The following ERBB4 variants were observed in gnomAD, a reference collection of about 807,000 sequenced individuals.
ERBB4 encodes the protein erb-b2 receptor tyrosine kinase 4.
In ERBB4, 42 loss-of-function variants were observed where a neutral mutation model predicts 158.0. The ratio of observed to expected loss-of-function variants is 0.27; its 90% CI spans 0.21 to 0.34. The LOEUF (loss-of-function observed/expected upper bound fraction) is 0.34. Among genes scored for constraint, ERBB4 ranks in the 10% least tolerant of loss-of-function variants. ERBB4 has a pLI of 1.00. For missense variants in ERBB4, 1,333 were observed against 1,624.1 expected (o/e 0.82, Z 3.08); for synonymous variants, 583 against 558.7 (o/e 1.04, Z -0.61).
intron 1 of ERBB4, among the ~76,000 whole-genome samples, chr2:212,142,610 A>AAT (rs1038999989): frequency 3.4e-5 from 5 of 147,704 alleles, no homozygotes; most frequent in African/African-American, 7.4e-5. Context: ...ATAATATTAA[A>AAT]ATATATATAT....
At chr2:211,507,086 T>G (rs745448919) in intron 20 of ERBB4, among the ~76,000 whole-genome samples, 7 of 152,086 alleles carry the variant, frequency 4.6e-5, no homozygotes, top group Non-Finnish European at 4.4e-5. Flanking sequence ...AACATGTCTA[T>G]GCACACAAAC....
intron 19 of ERBB4, among the ~76,000 whole-genome samples, chr2:211,586,651 G>A (rs1001455614): frequency 3.3e-5 from 5 of 152,144 alleles, no homozygotes; most frequent in African/African-American, 1.2e-4. Flanking sequence ...GAAATGTAGG[G>A]ATTCCTGGAG....
intron 2 of ERBB4, among the ~76,000 whole-genome samples, chr2:212,040,395 A>G (rs1309963575): frequency 6.6e-6 from 1 of 152,024 alleles, no homozygotes; most frequent in Non-Finnish European, 1.5e-5. Context: ...ATTTCACCTT[A>G]TAACACAAGC....
chr2:212,154,444 T>C (rs6738053), intron 1 of ERBB4, among the ~76,000 whole-genome samples: 13,959 of 152,204 alleles, frequency 0.092, 1,219 homozygotes, highest in African/African-American at 0.23. Context: ...AAAACATATG[T>C]GCATAGTTTT....
At chr2:212,370,731 T>C (rs2090054821) in intron 1 of ERBB4, among the ~76,000 whole-genome samples, 1 of 152,164 alleles carries the variant, frequency 6.6e-6, no homozygotes, top group South Asian at 2.1e-4. Context: ...GCCATTTACC[T>C]TCTGTTTTTA....
chr2:211,684,921 C>CAT (rs935730483), intron 12 of ERBB4, among the ~76,000 whole-genome samples: 61 of 152,330 alleles, frequency 4.0e-4, no homozygotes, highest in African/African-American at 1.3e-3. Context: ...GGTTTCCTCC[C>CAT]ATCTCCTCAC....
In ERBB4 at chr2:212,538,435, C is replaced by A. The variant is rs1449449975; in HGVS notation, c.82+14G>T. On this transcript the variant is annotated intron_variant, in intron 1 of 27. Transcript: ENST00000342788. ...GCTGCAGGTTCGGCGACCGGAGTGC[C>A]AGAAGGAACCCACCTGACTGAGAAT... 6.2e-7 allele frequency: 1 copy of A among 1,613,454 alleles called. No homozygotes were observed. Among genetic ancestry groups the A allele is most frequent in the South Asian group, 1.1e-5 (1 of 91,052 alleles).
At chr2:211,929,287 CAGAG>C (rs2080108477) in intron 3 of ERBB4, among the ~76,000 whole-genome samples, 1 of 146,352 alleles carries the variant, frequency 6.8e-6, no homozygotes, top group Non-Finnish European at 1.5e-5. Flanking sequence ...GAGAGAGAGA[CAGAG>C]AGAATATGAT....
At chr2:211,837,402 C>G (rs2077365884) in intron 3 of ERBB4, among the ~76,000 whole-genome samples, 1 of 152,040 alleles carries the variant, frequency 6.6e-6, no homozygotes, top group African/African-American at 2.4e-5. Flanking sequence ...AATAGATTCT[C>G]TGCACCAAAG....
chr2:212,241,648 T>C (rs1205669192), intron 1 of ERBB4, among the ~76,000 whole-genome samples: 1 of 152,220 alleles, frequency 6.6e-6, no homozygotes, highest in Non-Finnish European at 1.5e-5. Flanking sequence ...GTAATTATTT[T>C]AGTTGAGTAT....
intron 3 of ERBB4, among the ~76,000 whole-genome samples, chr2:211,873,773 C>T (rs1465727287): frequency 1.3e-5 from 2 of 150,694 alleles, no homozygotes; most frequent in African/African-American, 4.9e-5. Flanking sequence ...ATTCCTCATA[C>T]GTATATATTT....
intron 1 of ERBB4, among the ~76,000 whole-genome samples, chr2:212,274,120 T>A (rs1418619562): frequency 1.3e-5 from 2 of 151,830 alleles, no homozygotes; most frequent in African/African-American, 4.8e-5. Flanking sequence ...GAAAATAGAT[T>A]TACAGTACTG....
chr2:211,696,741 C>T (rs1213230038), intron 12 of ERBB4, among the ~76,000 whole-genome samples: 2 of 152,064 alleles, frequency 1.3e-5, no homozygotes, highest in African/African-American at 4.8e-5. Context: ...GTGATCTTGG[C>T]TCACTGCAAC....
chr2:211,786,172 G>A (rs1356325545), intron 4 of ERBB4, among the ~76,000 whole-genome samples: 4 of 152,114 alleles, frequency 2.6e-5, no homozygotes, highest in Non-Finnish European at 5.9e-5. Context: ...TTTTTAACTT[G>A]GTTGAGTGAT....
intron 3 of ERBB4, among the ~76,000 whole-genome samples, chr2:211,887,722 C>T (rs2078842449): frequency 6.6e-6 from 1 of 152,106 alleles, no homozygotes; most frequent in Non-Finnish European, 1.5e-5. Flanking sequence ...TATTATCACA[C>T]AAATTTATTG....
chr2:211,605,729 T>G (rs752946549), intron 19 of ERBB4, among the ~76,000 whole-genome samples: 1 of 152,146 alleles, frequency 6.6e-6, no homozygotes, highest in Non-Finnish European at 1.5e-5. Context: ...TATTAGAACA[T>G]GCCAGAAGTA....
chr2:212,399,586 T>TATA (rs1560214701), intron 1 of ERBB4, among the ~76,000 whole-genome samples: 2 of 103,084 alleles, frequency 1.9e-5, no homozygotes, highest in Non-Finnish European at 4.0e-5. Context: ...ATATATATAT[T>TATA]GGGCGTGGTG....
chr2:211,892,874 AG>A (rs1167069013), intron 3 of ERBB4, among the ~76,000 whole-genome samples: 1 of 142,952 alleles, frequency 7.0e-6, no homozygotes, highest in Non-Finnish European at 1.5e-5. Flanking sequence ...GACCTCTTCA[AG>A]GAGAACTACA....
rs970683158 is a variant in ERBB4, at chr2:211,380,817, A to G, written c.*2798T>C. 4.3e-6 allele frequency: 1 copy of G among 231,860 alleles called. No individual in the cohort carries two copies. Among genetic ancestry groups the G allele is most frequent in the Non-Finnish European group, 8.5e-6 (1 of 117,302 alleles). 14.4% of individuals were successfully genotyped at this position (231,860 alleles called of 1,614,324 possible). On this transcript the variant is annotated 3_prime_UTR_variant, in exon 28 of 28. Coordinates refer to ENST00000342788, the MANE Select transcript of ERBB4 (RefSeq NM_005235.3). ...GTCTTGTGTTCTTAGGAGGAAAGAGACATTCACTAAATACATTTCTGTTAC... is the reference window on the plus strand; with the variant it reads ...GTCTTGTGTTCTTAGGAGGAAAGAGGCATTCACTAAATACATTTCTGTTAC...
Sources: allele counts gnomAD v4.1 joint callset (sites outside exome capture counted in the v4.1 genomes callset), GRCh38; gene constraint gnomAD v4.1.1; transcripts MANE v1.5; gene names NCBI Gene and HGNC (gene_info 2026-07-23, HGNC 2026-07-21).